The following NFATC2IP variants were observed in gnomAD, a reference collection of about 807,000 sequenced individuals.
NFATC2IP encodes the protein NFATC2-interacting protein.
Under a neutral mutation model 40.2 loss-of-function variants are expected in NFATC2IP, and 25 were observed. That is an observed-to-expected ratio of 0.62 (90% CI 0.45 to 0.87). The LOEUF (loss-of-function observed/expected upper bound fraction) is 0.87. Among genes scored for constraint, NFATC2IP ranks in the 40% least tolerant of loss-of-function variants. NFATC2IP has a pLI of 0.00. For synonymous variants in NFATC2IP, 241 were observed against 236.3 expected (o/e 1.02, Z -0.18); for missense variants, 553 against 555.6 (o/e 1.00, Z 0.05).
intron 3 of NFATC2IP, among the ~76,000 whole-genome samples, chr16:28,955,644 G>T (rs184064766): frequency 6.6e-6 from 1 of 152,162 alleles, no homozygotes; most frequent in African/African-American, 2.4e-5. Flanking sequence ...CATTGCCCAG[G>T]CTGGAGTGCA....
intron 7 of NFATC2IP, among the ~76,000 whole-genome samples, chr16:28,961,814 C>T (rs555459016): frequency 3.3e-4 from 49 of 146,726 alleles, no homozygotes; most frequent in South Asian, 6.8e-4. Context: ...GCAGAAGAAT[C>T]GCTTGAACCT....
In NFATC2IP at chr16:28,965,056, C is replaced by A. The variant is rs1965130296; in HGVS notation, c.*1193C>A. On this transcript the variant is annotated 3_prime_UTR_variant, in exon 8 of 8. Transcript: ENST00000320805. ...CTCCTACTTGAGGCCGCCCTTTTCT[C>A]CTTATCCTTGCCAGCACTTGTATTG... 1 of 152,180 alleles carries A rather than the reference C, an allele frequency of 6.6e-6. No individual in the cohort carries two copies. Among genetic ancestry groups the A allele is most frequent in the Non-Finnish European group, 1.5e-5 (1 of 68,046 alleles). The allele number at this position is 152,180 out of a possible 1,614,324, so 9.4% of individuals were successfully genotyped here. A position where few individuals can be genotyped will look rare whatever the true frequency, so the allele number is the denominator to read the frequency against.
intron 1 of NFATC2IP, among the ~76,000 whole-genome samples, chr16:28,951,624 A>G (rs1456617120): frequency 6.6e-6 from 1 of 151,964 alleles, no homozygotes; most frequent in Non-Finnish European, 1.5e-5. Context: ...TAGGATTCCT[A>G]GGAGCTAGAG....
At chr16:28,962,738 A>G (rs1479341848) in intron 7 of NFATC2IP, among the ~76,000 whole-genome samples, 7 of 152,222 alleles carry the variant, frequency 4.6e-5, no homozygotes, top group African/African-American at 1.7e-4. Context: ...GCAGTCCCTC[A>G]GGGTCTCTTC....
At chr16:28,962,505 C>G (rs1042132245) in intron 7 of NFATC2IP, among the ~76,000 whole-genome samples, 1 of 152,264 alleles carries the variant, frequency 6.6e-6, no homozygotes. Context: ...AACCTTCACT[C>G]TCTCCCTCCT....
Position 28,964,144 on chromosome 16 carries a change from C to A in NFATC2IP, c.*281C>A. On this transcript the variant is annotated 3_prime_UTR_variant, in exon 8 of 8. Transcript: ENST00000320805. ...CTTGGAGATGTCCCTTCACCCCTCC[C>A]CTTTCACCACCATCCTCTTTTCCTC... The A allele has an allele frequency of 2.5e-6, 1 of 392,940 alleles. No homozygotes were observed. The highest frequency in any genetic ancestry group is 4.7e-6 in the Non-Finnish European group (1 of 212,566). 24.3% of individuals were successfully genotyped at this position (392,940 alleles called of 1,614,324 possible). A position where few individuals can be genotyped will look rare whatever the true frequency, so the allele number is the denominator to read the frequency against.
chr16:28,959,185 TC>T (rs1423505707), intron 7 of NFATC2IP, 85 bp downstream of exon 7: 4 of 833,180 alleles, frequency 4.8e-6, no homozygotes, highest in Non-Finnish European at 8.0e-6. Context: ...GAGGATGGAT[TC>T]CCCTAATCTT....
intron 3 of NFATC2IP, among the ~76,000 whole-genome samples, chr16:28,955,674 C>T (rs1965012187): frequency 6.6e-6 from 1 of 152,136 alleles, no homozygotes; most frequent in Admixed American, 6.6e-5. Flanking sequence ...TCATAGCTTA[C>T]TGCAGCCTCA....
chr16:28,960,307 C>T (rs1965071647), intron 7 of NFATC2IP, among the ~76,000 whole-genome samples: 1 of 152,148 alleles, frequency 6.6e-6, no homozygotes, highest in Non-Finnish European at 1.5e-5. Context: ...GAATACAGTT[C>T]AACCCTTAAC....
chr16:28,965,706 A>AG lies in NFATC2IP; in HGVS notation c.*1847dup, dbSNP rs1567515517. The AG allele has an allele frequency of 1.3e-5, 2 of 151,992 alleles. No individual in the cohort carries two copies. The allele number at this position is 151,992 out of a possible 1,614,324, so 9.4% of individuals were successfully genotyped here. A position where few individuals can be genotyped will look rare whatever the true frequency, so the allele number is the denominator to read the frequency against. On this transcript the variant is annotated 3_prime_UTR_variant, in exon 8 of 8. Transcript: ENST00000320805. ...GGCTCCACTCAAAAAAAAGATTTAA[A>AG]GGGGAAAAAATTGAAATTTTCTTTG... is the stretch of plus-strand genomic sequence containing the variant.
intron 2 of NFATC2IP, among the ~76,000 whole-genome samples, chr16:28,953,845 G>C (rs1290463507): frequency 6.6e-6 from 1 of 151,632 alleles, no homozygotes; most frequent in Non-Finnish European, 1.5e-5. Context: ...CTGAGCCCAG[G>C]AAGTCGAGGC....
At chr16:28,954,272 TC>T (rs1291348689) in intron 2 of NFATC2IP, among the ~76,000 whole-genome samples, 1 of 152,192 alleles carries the variant, frequency 6.6e-6, no homozygotes, top group Non-Finnish European at 1.5e-5. Context: ...TTTGTGATGA[TC>T]TTTTATTGAC....
intron 2 of NFATC2IP, 93 bp from the exon 3 acceptor site, chr16:28,954,472 A>G: frequency 1.3e-6 from 1 of 777,070 alleles, no homozygotes; most frequent in African/African-American, 1.7e-5. Context: ...CTCCTTTCCT[A>G]GGACCTTCTT....
rs1231753588 is a variant in NFATC2IP, at chr16:28,950,992, G to A, written c.-20G>A. ...GCGAGGCGAGAGGAGGCGGGCGTGT[G>A]TTGTGGAGGAAAGTGTGCCATGGCG... On this transcript the variant is annotated 5_prime_UTR_variant, in exon 1 of 8. Transcript: ENST00000320805. 3.4e-6 allele frequency: 5 copies of A among 1,482,332 alleles called. No individual in the cohort carries two copies. In the African/African-American group the frequency reaches 7.2e-5, roughly 21 times the overall value. 91.8% of individuals were successfully genotyped at this position (1,482,332 alleles called of 1,614,324 possible). A position where few individuals can be genotyped will look rare whatever the true frequency, so the allele number is the denominator to read the frequency against.
intron 7 of NFATC2IP, among the ~76,000 whole-genome samples, chr16:28,963,188 T>G (rs1027630228): frequency 2.6e-5 from 4 of 152,196 alleles, no homozygotes; most frequent in Admixed American, 2.6e-4. Context: ...TCAACTTGAT[T>G]GCATCTGCAA....
In NFATC2IP at chr16:28,951,320, G is replaced by T; in HGVS notation, c.309G>T (p.Pro103=). The change falls in exon 1 of 8, where the codon CCG becomes CCT. Residue 103 remains proline (P), a synonymous_variant. Transcript: ENST00000320805. ...AGGACAGGCGGCCCGCAGGACCCCCGCGGGAGCCGGTCAGGCGGCGGCGGC... is the reference window on the plus strand; with the variant it reads ...AGGACAGGCGGCCCGCAGGACCCCCTCGGGAGCCGGTCAGGCGGCGGCGGC... ...EGEDRRPAGP[P]REPVRRRRRL... is the part of the protein sequence containing the mutation. 1 of 1,409,644 alleles carries T rather than the reference G, an allele frequency of 7.1e-7. No homozygotes were observed. Among genetic ancestry groups the T allele is most frequent in the East Asian group, 2.9e-5 (1 of 34,192 alleles). The allele number at this position is 1,409,644 out of a possible 1,614,324, so 87.3% of individuals were successfully genotyped here.
intron 5 of NFATC2IP, among the ~76,000 whole-genome samples, chr16:28,957,275 C>G (rs996484324): frequency 3.3e-5 from 5 of 151,840 alleles, no homozygotes; most frequent in Non-Finnish European, 7.4e-5. Context: ...CTCAAGTGTT[C>G]CCCTGTCTCA....
intron 5 of NFATC2IP, chr16:28,956,736 GTC>G (rs1238731095): frequency 1.1e-5 from 2 of 183,078 alleles, no homozygotes; most frequent in African/African-American, 4.8e-5. Flanking sequence ...TTTTTTGGTA[GTC>G]TCTCTTGCCT....
At chr16:28,955,236 T>C (rs752711641) in intron 3 of NFATC2IP, among the ~76,000 whole-genome samples, 6 of 151,966 alleles carry the variant, frequency 3.9e-5, no homozygotes, top group Non-Finnish European at 5.9e-5. Context: ...CCCCCAAACC[T>C]GGGGATAATA....
Sources: allele counts gnomAD v4.1 joint callset (sites outside exome capture counted in the v4.1 genomes callset), GRCh38; gene constraint gnomAD v4.1.1; transcripts MANE v1.5; gene names NCBI Gene and HGNC (gene_info 2026-07-23, HGNC 2026-07-21).